The following APAF1 variants were observed in gnomAD, a reference collection of about 807,000 sequenced individuals.
APAF1 encodes the protein apoptotic peptidase activating factor 1, also known as apoptotic protease-activating factor 1.
A neutral mutation model predicts 152.4 loss-of-function variants in APAF1; 91 were observed. That is an observed-to-expected ratio of 0.60 (90% CI 0.50 to 0.71). The LOEUF is 0.71. APAF1 is among the 30% of genes least tolerant of loss of function. APAF1 has a pLI of 0.00. For synonymous variants in APAF1, 484 were observed against 494.1 expected (o/e 0.98, Z 0.27); for missense variants, 1,283 against 1,472.0 (o/e 0.87, Z 2.10).
At chr12:98,729,249 C>G (rs548092364) in intron 26 of APAF1, among the ~76,000 whole-genome samples, 2 of 152,304 alleles carry the variant, frequency 1.3e-5, no homozygotes, top group East Asian at 3.9e-4. Flanking sequence ...CGGTCCCCAG[C>G]CTTTTTGGCA....
chr12:98,728,653 G>A (rs1383532175), intron 26 of APAF1, among the ~76,000 whole-genome samples: 5 of 152,162 alleles, frequency 3.3e-5, no homozygotes, highest in Non-Finnish European at 7.3e-5. Flanking sequence ...CCCCGGGGGA[G>A]CAGAAGTTGC....
intron 18 of APAF1, among the ~76,000 whole-genome samples, chr12:98,704,097 A>AT (rs1164990791): frequency 1.3e-5 from 2 of 150,764 alleles, no homozygotes; most frequent in African/African-American, 4.9e-5. Flanking sequence ...GTAGTGAATT[A>AT]TTTTTTTCCT....
At chr12:98,711,710 A>G (rs1425277242) in intron 20 of APAF1, among the ~76,000 whole-genome samples, 3 of 152,254 alleles carry the variant, frequency 2.0e-5, no homozygotes, top group Non-Finnish European at 4.4e-5. Flanking sequence ...ATCATAATTC[A>G]TGGGATTTAA....
chr12:98,702,383 C>T (rs763781521), intron 17 of APAF1, among the ~76,000 whole-genome samples: 1 of 151,988 alleles, frequency 6.6e-6, no homozygotes, highest in Non-Finnish European at 1.5e-5. Context: ...ATTTTAATAG[C>T]TCCCACTGGA....
In APAF1 at chr12:98,656,232, A is replaced by G. The variant is rs866318814; in HGVS notation, c.527-2928A>G. On this transcript the variant is annotated intron_variant, in intron 4 of 26. Transcript: ENST00000551964. ...TGCCAGGCTCTAAATTCTAAATCTTATCCTAGAGATAATCTTGGTTAACAA... is the reference window on the plus strand; with the variant it reads ...TGCCAGGCTCTAAATTCTAAATCTTGTCCTAGAGATAATCTTGGTTAACAA... Among the ~76,000 whole-genome samples the G allele has an allele frequency of 5.3e-5, 8 of 152,284 alleles. 1 individual carries two copies. In the Middle Eastern group the frequency reaches 0.017, roughly 324 times the overall value.
intron 12 of APAF1, among the ~76,000 whole-genome samples, chr12:98,676,949 A>C (rs1054508674): frequency 6.6e-6 from 1 of 152,234 alleles, no homozygotes; most frequent in African/African-American, 2.4e-5. Flanking sequence ...CTGGCTGAGA[A>C]GAGCAGCTTT....
chr12:98,667,763 T>G (rs1397130477), intron 10 of APAF1, 119 bp downstream of exon 10: 1 of 814,314 alleles, frequency 1.2e-6, no homozygotes. Context: ...GCTTTCCATT[T>G]GATTTTTTTT....
intron 16 of APAF1, among the ~76,000 whole-genome samples, chr12:98,691,429 A>G (rs2097704113): frequency 6.6e-6 from 1 of 152,142 alleles, no homozygotes; most frequent in African/African-American, 2.4e-5. Context: ...ATTGTTCTTT[A>G]AAATTGTCAT....
chr12:98,648,359 G>A lies in APAF1; in HGVS notation c.-1G>A, dbSNP rs768615855. 13 of 1,614,096 alleles carry A rather than the reference G, an allele frequency of 8.1e-6. No individual in the cohort carries two copies. In the East Asian group the frequency reaches 2.9e-4, roughly 36 times the overall value. On this transcript the variant is annotated 5_prime_UTR_variant, in exon 2 of 27. Transcript: ENST00000551964. ...TCAGAGAGAGAAAGATCTGAGGGAA[G>A]ATGGATGCAAAAGCTCGAAATTGTT...
intron 12 of APAF1, 102 bp downstream of exon 12, chr12:98,671,821 G>C: frequency 9.1e-7 from 1 of 1,095,574 alleles, no homozygotes; most frequent in South Asian, 1.3e-5. Flanking sequence ...AACTACTTTC[G>C]AAAGGGCTGG....
intron 4 of APAF1, among the ~76,000 whole-genome samples, chr12:98,657,606 G>A (rs1408843100): frequency 6.6e-6 from 1 of 152,190 alleles, no homozygotes; most frequent in Non-Finnish European, 1.5e-5. Flanking sequence ...AGTTGGGCCT[G>A]CCTGAAACTT....
At chr12:98,689,649 T>C (rs1405511380) in intron 16 of APAF1, among the ~76,000 whole-genome samples, 2 of 152,130 alleles carry the variant, frequency 1.3e-5, no homozygotes, top group East Asian at 3.9e-4. Context: ...TTTGTAGAGA[T>C]GGGGCCTCCC....
intron 16 of APAF1, among the ~76,000 whole-genome samples, chr12:98,697,382 T>C (rs747016494): frequency 6.6e-6 from 1 of 152,210 alleles, no homozygotes; most frequent in Non-Finnish European, 1.5e-5. Context: ...TGTCAACTCA[T>C]TGAGGGTAGT....
chr12:98,675,630 T>C (rs11836812), intron 12 of APAF1, among the ~76,000 whole-genome samples: 3,904 of 152,302 alleles, frequency 0.026, 158 homozygotes, highest in African/African-American at 0.087. Context: ...ACTAGGTATT[T>C]TGAGTAATCT....
chr12:98,673,456 A>AC (rs397952983), intron 12 of APAF1, among the ~76,000 whole-genome samples: 17 of 151,066 alleles, frequency 1.1e-4, no homozygotes, highest in Non-Finnish European at 1.8e-4. Context: ...AAAAAAAAAA[A>AC]CAAAAAAAAA....
Position 98,732,590 on chromosome 12 carries a change from G to T in APAF1, c.*24G>T, listed in dbSNP as rs1297146535. On this transcript the variant is annotated 3_prime_UTR_variant, in exon 27 of 27. Coordinates refer to ENST00000551964, the MANE Select transcript of APAF1 (RefSeq NM_181861.2). ...AAAATAGTTAAGCATTAATGTAGTT[G>T]AACTTTTTAAATTTTTGAATTGGAA... 6.7e-7 allele frequency: 1 copy of T among 1,492,470 alleles called. No homozygotes were observed. Among genetic ancestry groups the T allele is most frequent in the Non-Finnish European group, 9.2e-7 (1 of 1,086,614 alleles). The allele number at this position is 1,492,470 out of a possible 1,614,324, so 92.5% of individuals were successfully genotyped here. A position where few individuals can be genotyped will look rare whatever the true frequency, so the allele number is the denominator to read the frequency against.
chr12:98,698,827 A>G (rs190338731), intron 16 of APAF1, among the ~76,000 whole-genome samples: 2 of 152,320 alleles, frequency 1.3e-5, no homozygotes, highest in Admixed American at 1.3e-4. Flanking sequence ...TGGTCCTACT[A>G]GTGAGCAAAG....
intron 26 of APAF1, among the ~76,000 whole-genome samples, chr12:98,729,096 G>A (rs1315014547): frequency 6.6e-6 from 1 of 152,220 alleles, no homozygotes; most frequent in East Asian, 1.9e-4. Context: ...CTTTCATGAG[G>A]GAGGTGGAAG....
intron 14 of APAF1, among the ~76,000 whole-genome samples, chr12:98,681,885 C>A (rs1424954475): frequency 6.6e-6 from 1 of 152,102 alleles, no homozygotes; most frequent in African/African-American, 2.4e-5. Flanking sequence ...GGATTCTAAT[C>A]AGTGCTTTGA....
Sources: gnomAD v4.1 joint callset for allele counts (sites outside exome capture counted in the v4.1 genomes callset) on GRCh38, gnomAD v4.1.1 for gene constraint, MANE v1.5 for transcripts, NCBI Gene and HGNC (gene_info 2026-07-23, HGNC 2026-07-21) for gene names.